SPI1: variants seen among roughly 807,000 people sequenced by gnomAD.
SPI1 encodes the protein Spi-1 proto-oncogene.
A neutral mutation model predicts 30.7 loss-of-function variants in SPI1; 3 were observed. That is an observed-to-expected ratio of 0.10 (90% CI 0.04 to 0.25). The LOEUF is 0.25. Among genes scored for constraint, SPI1 ranks in the 10% least tolerant of loss-of-function variants. SPI1 has a pLI of 1.00. For missense variants in SPI1, 261 were observed against 371.5 expected, an observed-to-expected ratio of 0.70 and a Z score of 2.45; for synonymous variants, 169 against 157.1, an observed-to-expected ratio of 1.08 and a Z score of -0.56.
In SPI1 at chr11:47,378,528, C is replaced by T. The variant is rs903813208; in HGVS notation, c.-175G>A. On this transcript the variant is annotated 5_prime_UTR_variant, in exon 1 of 5. Transcript: ENST00000378538. Reference sequence around the variant, plus strand: ...GCCCCCTCCCTTGACATTGCAGGGCCAGCACAAGTTCCTGATTTTATCGAA... The same window carrying T: ...GCCCCCTCCCTTGACATTGCAGGGCTAGCACAAGTTCCTGATTTTATCGAA... The T allele has an allele frequency of 3.2e-6, 2 of 625,978 alleles. No individual in the cohort carries two copies. Among genetic ancestry groups the T allele is most frequent in the African/African-American group, 3.7e-5 (2 of 54,242 alleles). The allele number at this position is 625,978 out of a possible 1,614,324, so 38.8% of individuals were successfully genotyped here.
chr11:47,363,319 G>A (rs2095923538), intron 2 of SPI1, among the ~76,000 whole-genome samples: 2 of 152,156 alleles, frequency 1.3e-5, no homozygotes, highest in Non-Finnish European at 1.5e-5. Context: ...TCAGGAGTCC[G>A]AGATCAACCT....
chr11:47,378,421 GGGTGCCCCGT>G lies in SPI1; in HGVS notation c.-78_-69del. 6.5e-7 allele frequency: 1 copy of G among 1,549,570 alleles called. No individual in the cohort carries two copies. Among genetic ancestry groups the G allele is most frequent in the Non-Finnish European group, 8.8e-7 (1 of 1,137,658 alleles). On this transcript the variant is annotated 5_prime_UTR_variant, in exon 1 of 5. Transcript: ENST00000378538. ...GGCCAATGCAGAGCCCCTCAGGATG[GGGTGCCCCGT>G]CAGGGGCTGGACGGTCGTGGGGCGG...
At chr11:47,362,876 GA>G (rs1215012406) in intron 2 of SPI1, among the ~76,000 whole-genome samples, 1 of 151,868 alleles carries the variant, frequency 6.6e-6, no homozygotes, top group South Asian at 2.1e-4. Flanking sequence ...GCCCAGCTGA[GA>G]CCCTGTCTCT....
rs900585509 is a variant in SPI1 at position 47,357,342 on chromosome 11, C to A, written c.493+1502G>T. Among the ~76,000 whole-genome samples, 4 of 61,454 alleles carry A rather than the reference C, an allele frequency of 6.5e-5. No individual in the cohort carries two copies. The South Asian group carries it at 2.7e-3, about 41-fold the overall frequency. The allele number at this position is 61,454 out of a possible 152,430, so 40.3% of individuals were successfully genotyped here. On this transcript the variant is annotated intron_variant, in intron 4 of 4. Transcript: ENST00000378538. ...TTCACACCTCATTGACACCTGCTCA[C>A]TCATATTTCACACCACTTACACTTG...
intron 2 of SPI1, 98 bp from the exon 3 acceptor site, chr11:47,360,138 G>C (rs1595857616): frequency 9.1e-7 from 1 of 1,094,654 alleles, no homozygotes; most frequent in East Asian, 2.7e-5. Context: ...GCCATATGGG[G>C]CCTAACCATC....
chr11:47,360,121 C>T lies in SPI1; in HGVS notation c.143-81G>A. ...AAGGTTATAGTAACATTAAATAATACTGCCAGGCCATATGGGGCCTAACCA... is the reference window on the plus strand; with the variant it reads ...AAGGTTATAGTAACATTAAATAATATTGCCAGGCCATATGGGGCCTAACCA... On this transcript the variant is annotated intron_variant, in intron 2 of 4. Coordinates refer to ENST00000378538, the MANE Select transcript of SPI1 (RefSeq NM_003120.3). 5.6e-6 allele frequency: 7 copies of T among 1,252,734 alleles called. No homozygotes were observed. The East Asian group carries it at 1.6e-4, about 28-fold the overall frequency. 77.6% of individuals were successfully genotyped at this position (1,252,734 alleles called of 1,614,324 possible).
chr11:47,360,093 G>C, intron 2 of SPI1, 53 bp from the exon 3 acceptor site: 2 of 1,349,818 alleles, frequency 1.5e-6, no homozygotes, highest in Non-Finnish European at 1.0e-6. Context: ...GGCAGGGCAG[G>C]AAAAGGTTAT....
chr11:47,365,240 T>G (rs1447112029), intron 2 of SPI1, among the ~76,000 whole-genome samples: 1 of 152,168 alleles, frequency 6.6e-6, no homozygotes, highest in Non-Finnish European at 1.5e-5. Context: ...GGGTCACCCA[T>G]ATGCCCCCTT....
intron 2 of SPI1, among the ~76,000 whole-genome samples, chr11:47,373,327 G>A (rs757640118): frequency 6.6e-6 from 1 of 151,180 alleles, no homozygotes; most frequent in African/African-American, 2.4e-5. Flanking sequence ...ACACCAGCCC[G>A]GGCGACAGTA....
At chr11:47,377,933 A>G (rs1312837955) in intron 1 of SPI1, among the ~76,000 whole-genome samples, 1 of 152,074 alleles carries the variant, frequency 6.6e-6, no homozygotes, top group Non-Finnish European at 1.5e-5. Flanking sequence ...CTTCCCATCC[A>G]GGGGACCGGC....
chr11:47,355,583 G>A (rs1416847688), intron 4 of SPI1, 37 bp from the exon 5 acceptor site: 1 of 1,515,526 alleles, frequency 6.6e-7, no homozygotes, highest in South Asian at 1.3e-5. Flanking sequence ...GGGGCCCGGG[G>A]CCCACATGGG....
chr11:47,373,545 T>C (rs1223394087), intron 2 of SPI1, among the ~76,000 whole-genome samples: 1 of 134,290 alleles, frequency 7.4e-6, no homozygotes, highest in African/African-American at 2.8e-5. Flanking sequence ...CTACTTGGGA[T>C]GTTGAGGCAA....
chr11:47,366,832 G>GAAAAGAAAAGAAAAT (rs755451429), intron 2 of SPI1, among the ~76,000 whole-genome samples: 3 of 85,568 alleles, frequency 3.5e-5, no homozygotes, highest in Non-Finnish European at 1.1e-4. Context: ...AAAAAGAAAA[G>GAAAAGAAAAGAAAAT]AAAAGAAAAG....
chr11:47,376,485 C>T lies in SPI1; in HGVS notation c.46-756G>A, dbSNP rs188789692. Among the ~76,000 whole-genome samples, 6 of 152,206 alleles carry T rather than the reference C, an allele frequency of 3.9e-5. No individual in the cohort carries two copies. The East Asian group carries it at 5.8e-4, about 15-fold the overall frequency. On this transcript the variant is annotated intron_variant, in intron 1 of 4. Transcript: ENST00000378538. ...CACCCAGGCAGACTTAGGGGCCGAG[C>T]GCATGGAGGGCCTTGATCCCCTCAC...
intron 4 of SPI1, chr11:47,358,258 TCACA>T (rs898923108): frequency 2.3e-6 from 1 of 434,620 alleles, no homozygotes; most frequent in African/African-American, 2.0e-5. Context: ...ATACACTTGC[TCACA>T]CACCTGCTGT....
intron 2 of SPI1, among the ~76,000 whole-genome samples, chr11:47,369,103 T>G (rs1413987750): frequency 3.3e-5 from 5 of 151,794 alleles, no homozygotes; most frequent in Non-Finnish European, 7.4e-5. Context: ...CACAAAGAAA[T>G]TAGCCAGGTG....
intron 4 of SPI1, among the ~76,000 whole-genome samples, chr11:47,356,205 ACT>A (rs770080345): frequency 5.4e-5 from 8 of 149,046 alleles, no homozygotes; most frequent in African/African-American, 7.5e-5. Flanking sequence ...ACCAGCTCAC[ACT>A]CACACACATG....
At chr11:47,355,660 A>G (rs1489916284) in intron 4 of SPI1, 114 bp from the exon 5 acceptor site, 5 of 889,160 alleles carry the variant, frequency 5.6e-6, no homozygotes, top group African/African-American at 1.7e-5. Context: ...GGGCAGGGGA[A>G]CGGCTGCCCC....
chr11:47,354,955 C>A lies in SPI1; in HGVS notation c.*272G>T. On this transcript the variant is annotated 3_prime_UTR_variant, in exon 5 of 5. Transcript: ENST00000378538. ...GATTTACATACGGACTTGAGACTCC[C>A]AAGGCAGTACCCCGGGTCGTCCTCT... 1 of 312,422 alleles carries A rather than the reference C, an allele frequency of 3.2e-6. No individual in the cohort carries two copies. Among genetic ancestry groups the A allele is most frequent in the Non-Finnish European group, 5.9e-6 (1 of 170,770 alleles). The allele number at this position is 312,422 out of a possible 1,614,324, so 19.4% of individuals were successfully genotyped here.
Sources: allele counts gnomAD v4.1 joint callset (sites outside exome capture counted in the v4.1 genomes callset), GRCh38; gene constraint gnomAD v4.1.1; transcripts MANE v1.5; gene names NCBI Gene and HGNC (gene_info 2026-07-23, HGNC 2026-07-21).